Variants in SMCHD1 observed in about 807,000 individuals in gnomAD.
The protein encoded by SMCHD1 is structural maintenance of chromosomes flexible hinge domain containing 1, also known as structural maintenance of chromosomes flexible hinge domain-containing protein 1.
A neutral mutation model predicts 254.7 loss-of-function variants in SMCHD1; 78 were observed. The observed-to-expected ratio is 0.31, with a 90% CI of 0.26 to 0.37. The LOEUF (loss-of-function observed/expected upper bound fraction) is 0.37. Among genes scored for constraint, SMCHD1 ranks in the 10% least tolerant of loss-of-function variants. The pLI is 1.00. For synonymous variants in SMCHD1, 766 were observed against 794.9 expected (o/e 0.96, Z 0.61); for missense variants, 1,840 against 2,408.1 (o/e 0.76, Z 4.94).
At chr18:2,665,284 C>A (rs755819847) in intron 1 of SMCHD1, among the ~76,000 whole-genome samples, 3 of 151,590 alleles carry the variant, frequency 2.0e-5, no homozygotes, top group Non-Finnish European at 2.9e-5. Context: ...CTTTGTTGAT[C>A]CTTGTCACCC....
At chr18:2,674,987 A>G (rs940401525) in intron 5 of SMCHD1, among the ~76,000 whole-genome samples, 2 of 152,216 alleles carry the variant, frequency 1.3e-5, no homozygotes, top group Non-Finnish European at 2.9e-5. Context: ...ACAAGGTAGT[A>G]TGAAAAACAC....
At chr18:2,681,485 T>C (rs1293865418) in intron 5 of SMCHD1, among the ~76,000 whole-genome samples, 2 of 144,768 alleles carry the variant, frequency 1.4e-5, no homozygotes, top group Non-Finnish European at 3.0e-5. Context: ...CTCAGGAGGC[T>C]AAGATGAGAG....
chr18:2,745,597 T>A (rs2075438913), intron 29 of SMCHD1, among the ~76,000 whole-genome samples: 1 of 152,196 alleles, frequency 6.6e-6, no homozygotes, highest in Non-Finnish European at 1.5e-5. Context: ...ATTAACCCAC[T>A]TTTTATACCT....
At chr18:2,671,789 G>A (rs1046238220) in intron 3 of SMCHD1, among the ~76,000 whole-genome samples, 14 of 151,770 alleles carry the variant, frequency 9.2e-5, no homozygotes, top group East Asian at 7.8e-4. Flanking sequence ...TAGTAGAGAC[G>A]GGGTTTCACT....
At chr18:2,779,734 C>T (rs1013225535) in intron 44 of SMCHD1, among the ~76,000 whole-genome samples, 1 of 152,074 alleles carries the variant, frequency 6.6e-6, no homozygotes, top group African/African-American at 2.4e-5. Context: ...TTTGCTTGAA[C>T]CCAAGAGTTC....
chr18:2,722,487 T>C, intron 19 of SMCHD1, 32 bp from the exon 20 acceptor site: 2 of 1,596,732 alleles, frequency 1.3e-6, no homozygotes, highest in East Asian at 4.5e-5. Flanking sequence ...CCAATGTACT[T>C]GCTTTTCATT....
chr18:2,708,511 G>A, intron 17 of SMCHD1, among the ~76,000 whole-genome samples: 1 of 151,908 alleles, frequency 6.6e-6, no homozygotes, highest in African/African-American at 2.4e-5. Flanking sequence ...AGCCTGGGTG[G>A]TAAAGTAAGA....
intron 5 of SMCHD1, among the ~76,000 whole-genome samples, chr18:2,678,473 C>T (rs2073826435): frequency 6.6e-6 from 1 of 151,932 alleles, no homozygotes; most frequent in Non-Finnish European, 1.5e-5. Context: ...CATGCCACTA[C>T]TCCCGGCTTA....
At chr18:2,721,815 A>C (rs929360641) in intron 19 of SMCHD1, among the ~76,000 whole-genome samples, 1 of 152,210 alleles carries the variant, frequency 6.6e-6, no homozygotes, top group African/African-American at 2.4e-5. Context: ...TTCATTTACT[A>C]TGCCCATTTT....
At chr18:2,662,558 T>TCCCAGCTGCTTGGGAGGCAGAGGCCC (rs2073314292) in intron 1 of SMCHD1, among the ~76,000 whole-genome samples, 2 of 150,288 alleles carry the variant, frequency 1.3e-5, no homozygotes, top group African/African-American at 4.9e-5. Flanking sequence ...GGCAGGAGAA[T>TCCCAGCTGCTTGGGAGGCAGAGGCCC]GGTGTGAACC....
intron 17 of SMCHD1, among the ~76,000 whole-genome samples, chr18:2,711,355 C>A (rs1295741098): frequency 6.6e-6 from 1 of 151,864 alleles, no homozygotes; most frequent in Admixed American, 6.6e-5. Context: ...GCCTCAGTCT[C>A]CCAAAGTGTT....
At chr18:2,720,419 T>TA (rs2074900022) in intron 19 of SMCHD1, among the ~76,000 whole-genome samples, 1 of 152,244 alleles carries the variant, frequency 6.6e-6, no homozygotes, top group African/African-American at 2.4e-5. Flanking sequence ...GGGTTTTTCT[T>TA]ACAGCGTTTT....
At chr18:2,749,162 G>A (rs994022531) in intron 30 of SMCHD1, among the ~76,000 whole-genome samples, 1 of 152,220 alleles carries the variant, frequency 6.6e-6, no homozygotes, top group Non-Finnish European at 1.5e-5. Context: ...TGGGTTGAGA[G>A]ACAATGGACC....
intron 25 of SMCHD1, among the ~76,000 whole-genome samples, chr18:2,738,074 A>G (rs2075282794): frequency 6.6e-6 from 1 of 152,224 alleles, no homozygotes; most frequent in African/African-American, 2.4e-5. Flanking sequence ...ATTGCTTTTC[A>G]GAATTAATCA....
intron 17 of SMCHD1, among the ~76,000 whole-genome samples, chr18:2,708,908 A>ATATATATATATATATATATATATATAT: frequency 1.9e-5 from 1 of 53,226 alleles, no homozygotes; most frequent in East Asian, 5.5e-4. Flanking sequence ...ATATATATAT[A>ATATATATATATATATATATATATATAT]ACATATTAAC....
At chr18:2,776,200 ACACAAAGACATAAT>A (rs2076063381) in intron 42 of SMCHD1, among the ~76,000 whole-genome samples, 1 of 152,190 alleles carries the variant, frequency 6.6e-6, no homozygotes, top group Non-Finnish European at 1.5e-5. Flanking sequence ...ACATAAAAAC[ACACAAAGACATAAT>A]ATTTTTTTTT....
At chr18:2,783,022 G>C (rs1182619661) in intron 44 of SMCHD1, among the ~76,000 whole-genome samples, 3 of 152,014 alleles carry the variant, frequency 2.0e-5, no homozygotes, top group Non-Finnish European at 4.4e-5. Context: ...ACTTTATCTT[G>C]TATTTATATA....
chr18:2,781,065 A>AT (rs1374439411), intron 44 of SMCHD1, among the ~76,000 whole-genome samples: 1 of 152,172 alleles, frequency 6.6e-6, no homozygotes, highest in African/African-American at 2.4e-5. Context: ...TTAAGCATTG[A>AT]TTTTTCACTC....
intron 41 of SMCHD1, among the ~76,000 whole-genome samples, chr18:2,774,007 ATTTATT>A (rs1395519111): frequency 6.6e-6 from 1 of 152,222 alleles, no homozygotes; most frequent in Admixed American, 6.5e-5. Context: ...TTCAAAATGT[ATTTATT>A]TTTAACATCG....
Sources: allele counts gnomAD v4.1 joint callset (sites outside exome capture counted in the v4.1 genomes callset), GRCh38; gene constraint gnomAD v4.1.1; transcripts MANE v1.5; gene names NCBI Gene and HGNC (gene_info 2026-07-23, HGNC 2026-07-21).